GRIA2: variants seen among roughly 807,000 people sequenced by gnomAD.
GRIA2 encodes the protein glutamate receptor 2.
In GRIA2, 14 loss-of-function variants were observed where a neutral mutation model predicts 97.3. The ratio of observed to expected loss-of-function variants is 0.14; its 90% confidence interval spans 0.10 to 0.23. The LOEUF (loss-of-function observed/expected upper bound fraction) is 0.23. Among genes scored for constraint, GRIA2 ranks in the 10% least tolerant of loss-of-function variants. The pLI is 1.00. For missense variants in GRIA2, 558 were observed against 1,069.8 expected, an observed-to-expected ratio of 0.52 and a Z score of 6.67; for synonymous variants, 412 against 387.8, an observed-to-expected ratio of 1.06 and a Z score of -0.73.
At chr4:157,359,218 T>C (rs977677383) in intron 12 of GRIA2, among the ~76,000 whole-genome samples, 1 of 152,338 alleles carries the variant, frequency 6.6e-6, no homozygotes, top group East Asian at 1.9e-4. Context: ...TTAGCCTTTC[T>C]TTCTTTCATA....
At chr4:157,282,850 C>T (rs541030442) in intron 2 of GRIA2, among the ~76,000 whole-genome samples, 15 of 152,074 alleles carry the variant, frequency 9.9e-5, no homozygotes, top group Non-Finnish European at 1.6e-4. Context: ...ATGTATGAGC[C>T]GACATCCAAA....
At chr4:157,262,347 T>C (rs189509072) in intron 2 of GRIA2, among the ~76,000 whole-genome samples, 1 of 152,212 alleles carries the variant, frequency 6.6e-6, no homozygotes, top group East Asian at 1.9e-4. Flanking sequence ...TCTTTCTGCA[T>C]CCCTGTCCTT....
At chr4:157,335,479 T>G in intron 9 of GRIA2, 192 bp from the exon 10 acceptor site, 1 of 579,842 alleles carries the variant, frequency 1.7e-6, no homozygotes, top group East Asian at 2.9e-5. Context: ...TGAATTATAG[T>G]GATAGACATT....
chr4:157,257,119 G>T (rs1294185735), intron 2 of GRIA2, among the ~76,000 whole-genome samples: 1 of 151,994 alleles, frequency 6.6e-6, no homozygotes, highest in Non-Finnish European at 1.5e-5. Flanking sequence ...ACCATGACAA[G>T]AAATTGTCAG....
At chr4:157,301,219 C>G (rs1311901004) in intron 2 of GRIA2, among the ~76,000 whole-genome samples, 5 of 152,120 alleles carry the variant, frequency 3.3e-5, no homozygotes, top group Non-Finnish European at 7.4e-5. Flanking sequence ...TACACATACA[C>G]TTATGTATAA....
chr4:157,364,364 G>T lies in GRIA2; in HGVS notation c.*933G>T, dbSNP rs1028949047. 1 of 152,320 alleles carries T rather than the reference G, an allele frequency of 6.6e-6. No homozygotes were observed. The highest frequency in any genetic ancestry group is 2.4e-5 in the African/African-American group (1 of 41,400). 9.4% of individuals were successfully genotyped at this position (152,320 alleles called of 1,614,324 possible). A position where few individuals can be genotyped will look rare whatever the true frequency, so the allele number is the denominator to read the frequency against. On this transcript the variant is annotated 3_prime_UTR_variant, in exon 16 of 16. Coordinates refer to ENST00000264426, the MANE Select transcript of GRIA2 (RefSeq NM_001083619.3). ...GTGAGTTTAAAGACACTACCAAGTTGTTAGGTGCCCAGAGAAAATTTCTCC... is the reference window on the plus strand; with the variant it reads ...GTGAGTTTAAAGACACTACCAAGTTTTTAGGTGCCCAGAGAAAATTTCTCC...
At chr4:157,362,703 CTAGGTTGTTCCCGTGA>C (rs1736686840) in intron 14 of GRIA2, 80 bp from the exon 15 acceptor site, 2 of 1,009,568 alleles carry the variant, frequency 2.0e-6, no homozygotes, top group South Asian at 3.1e-5. Context: ...TTCTGTGTGA[CTAGGTTGTTCCCGTGA>C]TAATGCTATG....
chr4:157,313,024 T>C, intron 4 of GRIA2, 149 bp downstream of exon 4: 1 of 459,192 alleles, frequency 2.2e-6, no homozygotes. Context: ...AATTAAATTA[T>C]CTCTGGCTTC....
Position 157,360,156 on chromosome 4 carries a change from GT to G in GRIA2, c.2291+14del. ...GATCCTCATTAAGGTGGGTGGAATAGTATAACAATATGCTAAATGTTGTTAT... is the reference window on the plus strand; with the variant it reads ...GATCCTCATTAAGGTGGGTGGAATAGATAACAATATGCTAAATGTTGTTAT... On this transcript the variant is annotated intron_variant, in intron 13 of 15. Transcript: ENST00000264426. 1 of 1,611,402 alleles carries G rather than the reference GT, an allele frequency of 6.2e-7. No homozygotes were observed. Among genetic ancestry groups the G allele is most frequent in the Non-Finnish European group, 8.5e-7 (1 of 1,177,936 alleles).
chr4:157,313,286 A>T (rs1022921019), intron 4 of GRIA2, among the ~76,000 whole-genome samples: 1 of 152,144 alleles, frequency 6.6e-6, no homozygotes, highest in Non-Finnish European at 1.5e-5. Context: ...GGAGTTACAT[A>T]GACCATCTAT....
chr4:157,312,135 A>G (rs1396481501), intron 3 of GRIA2, among the ~76,000 whole-genome samples: 8 of 152,046 alleles, frequency 5.3e-5, no homozygotes, highest in Admixed American at 5.2e-4. Flanking sequence ...AGGAAAAAAA[A>G]ATGAACCCAA....
chr4:157,315,506 TG>T (rs1560762076), intron 4 of GRIA2, among the ~76,000 whole-genome samples: 1 of 147,784 alleles, frequency 6.8e-6, no homozygotes, highest in African/African-American at 2.6e-5. Context: ...TATTAGGCTA[TG>T]GGTTTTTTTT....
At chr4:157,250,465 G>A (rs1730972292) in intron 2 of GRIA2, among the ~76,000 whole-genome samples, 1 of 152,056 alleles carries the variant, frequency 6.6e-6, no homozygotes, top group Non-Finnish European at 1.5e-5. Flanking sequence ...AGTTATAATA[G>A]TCGGTCCTTT....
chr4:157,252,621 C>G (rs1420261272), intron 2 of GRIA2, among the ~76,000 whole-genome samples: 1 of 151,932 alleles, frequency 6.6e-6, no homozygotes, highest in African/African-American at 2.4e-5. Flanking sequence ...GGTCATCTAC[C>G]TAATTGTGAA....
rs191113425 is a variant in GRIA2 at position 157,281,269 on chromosome 4, A to G, written c.230-22283A>G. 5.7e-3 allele frequency among the ~76,000 whole-genome samples: 862 copies of G among 152,206 alleles called. 6 individuals are homozygous for G. Among genetic ancestry groups the G allele is most frequent in the Admixed American group, 0.01 (154 of 15,258 alleles). ...TTAATTGGTATTACTAATTACTAACATATCATACTTCCTAGAAGTTTCCCT... is the reference window on the plus strand; with the variant it reads ...TTAATTGGTATTACTAATTACTAACGTATCATACTTCCTAGAAGTTTCCCT... On this transcript the variant is annotated intron_variant, in intron 2 of 15. Transcript: ENST00000264426.
intron 2 of GRIA2, among the ~76,000 whole-genome samples, chr4:157,271,204 C>A (rs1229226613): frequency 6.6e-6 from 1 of 151,954 alleles, no homozygotes; most frequent in African/African-American, 2.4e-5. Flanking sequence ...CCCTACACAC[C>A]AAGCAAGTAG....
chr4:157,248,043 G>T (rs1428381652), intron 2 of GRIA2, among the ~76,000 whole-genome samples: 1 of 151,604 alleles, frequency 6.6e-6, no homozygotes, highest in Non-Finnish European at 1.5e-5. Context: ...GTACTCTGGG[G>T]ATAACTCTTT....
chr4:157,224,999 T>C (rs2126677365), intron 2 of GRIA2, among the ~76,000 whole-genome samples: 1 of 152,282 alleles, frequency 6.6e-6, no homozygotes, highest in Middle Eastern at 3.4e-3. Flanking sequence ...TGGATTTTTA[T>C]ACCTTAGTAA....
At chr4:157,267,154 G>A (rs1235920375) in intron 2 of GRIA2, among the ~76,000 whole-genome samples, 2 of 151,770 alleles carry the variant, frequency 1.3e-5, no homozygotes, top group African/African-American at 4.8e-5. Flanking sequence ...GGCTGGGCAC[G>A]GTGGCTCATG....
Sources: gnomAD v4.1 joint callset for allele counts (sites outside exome capture counted in the v4.1 genomes callset) on GRCh38, gnomAD v4.1.1 for gene constraint, MANE v1.5 for transcripts, NCBI Gene and HGNC (gene_info 2026-07-23, HGNC 2026-07-21) for gene names.